Variants in GLRA3 observed in about 807,000 individuals in gnomAD.
GLRA3 encodes the protein glycine receptor alpha 3.
A neutral mutation model predicts 60.4 loss-of-function variants in GLRA3; 44 were observed. The ratio of observed to expected loss-of-function variants is 0.73; its 90% confidence interval spans 0.57 to 0.94. The LOEUF (loss-of-function observed/expected upper bound fraction) is 0.94, where lower values mean the gene tolerates loss of function less well. Among genes scored for constraint, GLRA3 ranks in the 40% least tolerant of loss-of-function variants. The probability of loss-of-function intolerance (pLI) is 0.00; values close to 1 mark genes in which losing one functional copy is unlikely to be tolerated. For synonymous variants in GLRA3, 223 were observed against 192.9 expected, an observed-to-expected ratio of 1.16 and a Z score of -1.29; for missense variants, 508 against 564.6, an observed-to-expected ratio of 0.90 and a Z score of 1.02.
chr4:174,650,499 A>G (rs947227538), intron 9 of GLRA3, among the ~76,000 whole-genome samples: 22 of 152,314 alleles, frequency 1.4e-4, no homozygotes, highest in Non-Finnish European at 3.1e-4. Flanking sequence ...TGACACTGTC[A>G]GCAGGTATAA....
At chr4:174,767,721 C>T (rs1738207483) in intron 2 of GLRA3, among the ~76,000 whole-genome samples, 1 of 152,090 alleles carries the variant, frequency 6.6e-6, no homozygotes, top group African/African-American at 2.4e-5. Context: ...AGTGCTCAGG[C>T]AGTTTACAAC....
At chr4:174,783,288 C>A (rs1441954575) in intron 2 of GLRA3, among the ~76,000 whole-genome samples, 1 of 140,460 alleles carries the variant, frequency 7.1e-6, no homozygotes, top group African/African-American at 2.6e-5. Context: ...GAAACTGGAA[C>A]CCTTCCTTAC....
chr4:174,749,497 G>A (rs1216956296), intron 3 of GLRA3, among the ~76,000 whole-genome samples: 2 of 152,040 alleles, frequency 1.3e-5, no homozygotes, highest in Non-Finnish European at 2.9e-5. Flanking sequence ...GAAACCAGTG[G>A]CAAAATCAGT....
chr4:174,757,279 AC>A, intron 3 of GLRA3, among the ~76,000 whole-genome samples: 1 of 49,632 alleles, frequency 2.0e-5, no homozygotes, highest in Non-Finnish European at 6.4e-5. Context: ...ATTTACACAC[AC>A]ACACACACAC....
intron 1 of GLRA3, among the ~76,000 whole-genome samples, chr4:174,792,897 G>A (rs1019847884): frequency 1.3e-5 from 2 of 152,122 alleles, no homozygotes; most frequent in African/African-American, 4.8e-5. Flanking sequence ...CTGCCAGGTT[G>A]TGGACTTTTC....
rs374299521 is a variant in GLRA3 at position 174,640,767 on chromosome 4, A to G, written c.*3019T>C. On this transcript the variant is annotated 3_prime_UTR_variant, in exon 10 of 10. Transcript: ENST00000274093. ...ACAAGCAATTAAATTCCAAATTAAG[A>G]TAAAAGTTATTAGAATATATCAACA... 8 of 152,194 alleles carry G rather than the reference A, an allele frequency of 5.3e-5. No homozygotes were observed. Among genetic ancestry groups the G allele is most frequent in the African/African-American group, 1.9e-4 (8 of 41,566 alleles). The allele number at this position is 152,194 out of a possible 1,614,324, so 9.4% of individuals were successfully genotyped here.
intron 5 of GLRA3, among the ~76,000 whole-genome samples, chr4:174,707,503 G>T (rs557622058): frequency 6.6e-6 from 1 of 152,148 alleles, no homozygotes; most frequent in Non-Finnish European, 1.5e-5. Context: ...AATAGTAACA[G>T]AATGATTGGC....
At chr4:174,703,260 A>G (rs1220286495) in intron 5 of GLRA3, among the ~76,000 whole-genome samples, 1 of 152,202 alleles carries the variant, frequency 6.6e-6, no homozygotes, top group Admixed American at 6.5e-5. Flanking sequence ...GTGAGGATCT[A>G]TGAACTTGGC....
At chr4:174,678,024 A>C (rs1360732738) in intron 6 of GLRA3, among the ~76,000 whole-genome samples, 1 of 152,158 alleles carries the variant, frequency 6.6e-6, no homozygotes, top group Non-Finnish European at 1.5e-5. Flanking sequence ...CATTTTCTTT[A>C]AAGTAAGTGC....
chr4:174,641,900 T>C lies in GLRA3; in HGVS notation c.*1886A>G, dbSNP rs1443323393. On this transcript the variant is annotated 3_prime_UTR_variant, in exon 10 of 10. Coordinates refer to ENST00000274093, the MANE Select transcript of GLRA3 (RefSeq NM_006529.4). ...TAATTCTCAAGGAATACAAATGACA[T>C]ATCTTGCTCTAATCTTTAGAACAAG... The C allele has an allele frequency of 6.6e-6, 1 of 152,236 alleles. No individual in the cohort carries two copies. Among genetic ancestry groups the C allele is most frequent in the Non-Finnish European group, 1.5e-5 (1 of 68,086 alleles). The allele number at this position is 152,236 out of a possible 1,614,324, so 9.4% of individuals were successfully genotyped here. A position where few individuals can be genotyped will look rare whatever the true frequency, so the allele number is the denominator to read the frequency against.
intron 7 of GLRA3, among the ~76,000 whole-genome samples, chr4:174,668,304 A>C (rs1733756542): frequency 6.6e-6 from 1 of 152,194 alleles, no homozygotes; most frequent in African/African-American, 2.4e-5. Flanking sequence ...GATGGTTTGC[A>C]TATATCTCAG....
At chr4:174,760,212 A>G (rs997407515) in intron 3 of GLRA3, among the ~76,000 whole-genome samples, 2 of 152,218 alleles carry the variant, frequency 1.3e-5, no homozygotes, top group Non-Finnish European at 2.9e-5. Context: ...ATTTATTAAA[A>G]TGCTTAACCT....
At chr4:174,775,276 G>A (rs1738555489) in intron 2 of GLRA3, among the ~76,000 whole-genome samples, 1 of 151,950 alleles carries the variant, frequency 6.6e-6, no homozygotes, top group South Asian at 2.1e-4. Flanking sequence ...AATGGGTAAA[G>A]GAGACCTTTA....
Position 174,797,693 on chromosome 4 carries a change from G to A in GLRA3, c.72-8750C>T, listed in dbSNP as rs369859326. Among the ~76,000 whole-genome samples the A allele has an allele frequency of 3.3e-5, 5 of 152,088 alleles. No individual in the cohort carries two copies. In the East Asian group the frequency reaches 9.6e-4, roughly 29 times the overall value. On this transcript the variant is annotated intron_variant, in intron 1 of 9. Coordinates refer to ENST00000274093, the MANE Select transcript of GLRA3 (RefSeq NM_006529.4). Reference sequence around the variant, plus strand: ...CTCACACCTGTAATCCCAGCACCGGGCGGCCAAGGTGGGAGGATGACTGAG... The same window carrying A: ...CTCACACCTGTAATCCCAGCACCGGACGGCCAAGGTGGGAGGATGACTGAG...
chr4:174,693,106 T>C (rs994948675), intron 5 of GLRA3, among the ~76,000 whole-genome samples: 1 of 152,164 alleles, frequency 6.6e-6, no homozygotes, highest in African/African-American at 2.4e-5. Context: ...ATTCTGTGGG[T>C]TGTCTGTTTA....
intron 3 of GLRA3, among the ~76,000 whole-genome samples, chr4:174,746,237 A>G (rs760195725): frequency 3.3e-5 from 5 of 152,196 alleles, no homozygotes; most frequent in Non-Finnish European, 7.4e-5. Context: ...GATATGGAAT[A>G]AACCTAACTG....
At chr4:174,775,995 T>C (rs896414447) in intron 2 of GLRA3, among the ~76,000 whole-genome samples, 2 of 152,018 alleles carry the variant, frequency 1.3e-5, no homozygotes, top group Non-Finnish European at 2.9e-5. Flanking sequence ...AGGGACTGCA[T>C]GGAGAGGGGA....
intron 9 of GLRA3, among the ~76,000 whole-genome samples, chr4:174,652,763 T>A (rs1414275582): frequency 6.6e-6 from 1 of 152,086 alleles, no homozygotes; most frequent in East Asian, 1.9e-4. Flanking sequence ...AATTGCTTCA[T>A]CTCTGTCACC....
At chr4:174,810,942 C>G (rs1215382249) in intron 1 of GLRA3, among the ~76,000 whole-genome samples, 1 of 152,116 alleles carries the variant, frequency 6.6e-6, no homozygotes, top group Non-Finnish European at 1.5e-5. Context: ...TATTGTTGCT[C>G]CTAGCTTCCT....
Sources: gnomAD v4.1 joint callset for allele counts (sites outside exome capture counted in the v4.1 genomes callset) on GRCh38, gnomAD v4.1.1 for gene constraint, MANE v1.5 for transcripts, NCBI Gene and HGNC (gene_info 2026-07-23, HGNC 2026-07-21) for gene names.